Variants in LMAN2L observed in about 807,000 individuals in gnomAD.
LMAN2L encodes the protein lectin, mannose binding 2 like, also known as VIP36-like protein.
A neutral mutation model predicts 44.3 loss-of-function variants in LMAN2L; 30 were observed. The observed-to-expected ratio is 0.68, with a 90% confidence interval of 0.51 to 0.92. The LOEUF (loss-of-function observed/expected upper bound fraction) is 0.92. Among genes scored for constraint, LMAN2L ranks in the 40% least tolerant of loss-of-function variants. LMAN2L has a pLI of 0.00. For missense variants in LMAN2L, 429 were observed against 446.1 expected (o/e 0.96, Z 0.35); for synonymous variants, 183 against 171.1 (o/e 1.07, Z -0.54).
At chr2:96,707,681 A>G in intron 7 of LMAN2L, 33 bp downstream of exon 7, 3 of 1,612,904 alleles carry the variant, frequency 1.9e-6, no homozygotes, top group Non-Finnish European at 2.5e-6. Flanking sequence ...CTCCCCAACT[A>G]TGGGACCATT....
intron 2 of LMAN2L, 116 bp from the exon 3 acceptor site, chr2:96,734,642 G>T: frequency 1.5e-6 from 1 of 688,414 alleles, no homozygotes. Flanking sequence ...TAGACTAAGG[G>T]TTAAAACTTA....
intron 4 of LMAN2L, among the ~76,000 whole-genome samples, chr2:96,725,900 C>T (rs2078260454): frequency 6.6e-6 from 1 of 151,580 alleles, no homozygotes; most frequent in African/African-American, 2.4e-5. Flanking sequence ...TTTGGGAGGC[C>T]GAGGCAGGTG....
At chr2:96,718,393 G>A (rs1160757517) in intron 4 of LMAN2L, among the ~76,000 whole-genome samples, 1 of 151,994 alleles carries the variant, frequency 6.6e-6, no homozygotes, top group Non-Finnish European at 1.5e-5. Flanking sequence ...CATTTAAAAA[G>A]GTTTTAAAAA....
intron 1 of LMAN2L, 124 bp downstream of exon 1, chr2:96,739,730 G>C (rs2078593998): frequency 3.1e-6 from 3 of 964,524 alleles, no homozygotes; most frequent in Non-Finnish European, 3.2e-6. Context: ...GAGTCTCCGT[G>C]GGCCCCACCA....
chr2:96,732,937 C>T (rs373805409), intron 4 of LMAN2L, among the ~76,000 whole-genome samples: 2 of 151,762 alleles, frequency 1.3e-5, no homozygotes, highest in African/African-American at 2.4e-5. Flanking sequence ...TTAGTAGAGA[C>T]GGGGTTTCAC....
intron 4 of LMAN2L, among the ~76,000 whole-genome samples, chr2:96,720,403 G>A (rs1047474345): frequency 1.3e-5 from 2 of 152,044 alleles, no homozygotes; most frequent in Non-Finnish European, 2.9e-5. Context: ...CAACATCTGG[G>A]TAGGTTTGTG....
At chr2:96,708,617 C>T (rs1368648564) in intron 6 of LMAN2L, among the ~76,000 whole-genome samples, 2 of 152,202 alleles carry the variant, frequency 1.3e-5, no homozygotes, top group Admixed American at 6.5e-5. Context: ...ACTGCAGCTT[C>T]CCCGCTGGTG....
intron 4 of LMAN2L, among the ~76,000 whole-genome samples, chr2:96,728,661 A>G (rs2078325664): frequency 6.6e-6 from 1 of 152,028 alleles, no homozygotes; most frequent in African/African-American, 2.4e-5. Context: ...TGGCCAACGC[A>G]GTGAAACGCC....
intron 4 of LMAN2L, among the ~76,000 whole-genome samples, chr2:96,718,578 C>T (rs904707544): frequency 6.6e-6 from 1 of 152,152 alleles, no homozygotes; most frequent in Non-Finnish European, 1.5e-5. Flanking sequence ...ATTTCATCCT[C>T]CCTGGGATCA....
At chr2:96,709,631 C>T (rs2077868083) in intron 6 of LMAN2L, among the ~76,000 whole-genome samples, 1 of 152,170 alleles carries the variant, frequency 6.6e-6, no homozygotes, top group Non-Finnish European at 1.5e-5. Flanking sequence ...TCAGTTTAAA[C>T]CATGGGACAG....
intron 4 of LMAN2L, among the ~76,000 whole-genome samples, chr2:96,725,783 T>C (rs2078258589): frequency 6.6e-6 from 1 of 151,902 alleles, no homozygotes; most frequent in Admixed American, 6.6e-5. Flanking sequence ...TTGATAACAC[T>C]GCAAATGGAG....
intron 6 of LMAN2L, among the ~76,000 whole-genome samples, chr2:96,710,584 A>C (rs1447069665): frequency 6.6e-6 from 1 of 152,132 alleles, no homozygotes; most frequent in East Asian, 1.9e-4. Context: ...GAATCGCTTG[A>C]ATACAGGAGG....
intron 4 of LMAN2L, among the ~76,000 whole-genome samples, chr2:96,716,107 G>C (rs17119562): frequency 0.069 from 10,575 of 152,182 alleles, 415 homozygotes; most frequent in Middle Eastern, 0.16. Context: ...TCTAAAGCAC[G>C]AATTCCCAGA....
intron 4 of LMAN2L, among the ~76,000 whole-genome samples, chr2:96,730,947 ACAGG>A (rs2078382289): frequency 6.6e-6 from 1 of 152,050 alleles, no homozygotes; most frequent in African/African-American, 2.4e-5. Flanking sequence ...TGCTGGGATT[ACAGG>A]CATGAGCCAC....
intron 7 of LMAN2L, 24 bp from the exon 8 acceptor site, chr2:96,707,422 G>C (rs1338380672): frequency 6.3e-7 from 1 of 1,599,658 alleles, no homozygotes; most frequent in Non-Finnish European, 8.5e-7. Context: ...AGAGAAGCAA[G>C]TCAGAAAACA....
In LMAN2L at chr2:96,734,397, G is replaced by C; in HGVS notation, c.424+12C>G. On this transcript the variant is annotated intron_variant, in intron 3 of 7. Transcript: ENST00000264963. Reference sequence around the variant, plus strand: ...GTCACACCCACACAAGAGTAACACAGGCTCCCAATACCTGGCTGCATCCGA... The same window carrying C: ...GTCACACCCACACAAGAGTAACACACGCTCCCAATACCTGGCTGCATCCGA... 2.0e-6 allele frequency: 3 copies of C among 1,508,144 alleles called. No homozygotes were observed. The highest frequency in any genetic ancestry group is 2.8e-6 in the Non-Finnish European group (3 of 1,083,210). The allele number at this position is 1,508,144 out of a possible 1,614,324, so 93.4% of individuals were successfully genotyped here. A position where few individuals can be genotyped will look rare whatever the true frequency, so the allele number is the denominator to read the frequency against.
intron 4 of LMAN2L, among the ~76,000 whole-genome samples, chr2:96,731,727 C>T (rs1410579500): frequency 6.6e-6 from 1 of 152,070 alleles, no homozygotes; most frequent in East Asian, 1.9e-4. Flanking sequence ...ATCACAGATA[C>T]AATGATCATT....
chr2:96,715,819 C>T (rs72809824), intron 4 of LMAN2L, among the ~76,000 whole-genome samples: 6,865 of 152,292 alleles, frequency 0.045, 216 homozygotes, highest in Middle Eastern at 0.071. Flanking sequence ...ATTAGGGAGA[C>T]CTGAGTTCTA....
intron 4 of LMAN2L, among the ~76,000 whole-genome samples, chr2:96,725,193 C>T (rs957502944): frequency 6.6e-6 from 1 of 151,988 alleles, no homozygotes; most frequent in Non-Finnish European, 1.5e-5. Flanking sequence ...CTCCTGACCT[C>T]GTGATCTACC....
Sources: allele counts gnomAD v4.1 joint callset (sites outside exome capture counted in the v4.1 genomes callset), GRCh38; gene constraint gnomAD v4.1.1; transcripts MANE v1.5; gene names NCBI Gene and HGNC (gene_info 2026-07-23, HGNC 2026-07-21).